ETV1: variants seen among roughly 807,000 people sequenced by gnomAD.
The protein encoded by ETV1 is ETS variant transcription factor 1, also known as ETS translocation variant 1.
In ETV1, 27 loss-of-function variants were observed where a neutral mutation model predicts 62.3. The observed-to-expected ratio is 0.43, with a 90% confidence interval of 0.32 to 0.60. The LOEUF (loss-of-function observed/expected upper bound fraction) is 0.60. Among genes scored for constraint, ETV1 ranks in the 20% least tolerant of loss-of-function variants. ETV1 has a pLI of 0.06. For missense variants in ETV1, 605 were observed against 605.8 expected (o/e 1.00, Z 0.01); for synonymous variants, 222 against 199.6 (o/e 1.11, Z -0.94).
At chr7:13,903,895 C>T (rs924176606) in intron 12 of ETV1, among the ~76,000 whole-genome samples, 3 of 152,022 alleles carry the variant, frequency 2.0e-5, no homozygotes, top group African/African-American at 7.2e-5. Context: ...TCTAAAGTTA[C>T]CCTAAACACA....
rs1782965596 is a variant in ETV1 at position 13,906,421 on chromosome 7, T to TA, written c.1110+8dup. Reference sequence around the variant, plus strand: ...TCTGAGTGTCCTAATTAAAATCTATTAAACTAACCTCTTCAGGCTCAATCA... The same window carrying TA: ...TCTGAGTGTCCTAATTAAAATCTATTAAAACTAACCTCTTCAGGCTCAATCA... On this transcript the variant is annotated intron_variant, in intron 12 of 13. Coordinates refer to ENST00000430479, the MANE Select transcript of ETV1 (RefSeq NM_004956.5). The TA allele has an allele frequency of 6.5e-7, 1 of 1,544,084 alleles. No homozygotes were observed. The highest frequency in any genetic ancestry group is 8.7e-7 in the Non-Finnish European group (1 of 1,147,648).
chr7:13,979,775 GGTGA>G (rs1261371525), intron 5 of ETV1, among the ~76,000 whole-genome samples: 2 of 152,042 alleles, frequency 1.3e-5, no homozygotes, highest in Non-Finnish European at 2.9e-5. Context: ...AAAAATAGCT[GGTGA>G]GTAACAAAAG....
intron 7 of ETV1, among the ~76,000 whole-genome samples, chr7:13,936,420 T>C (rs1181194862): frequency 2.0e-5 from 3 of 152,208 alleles, no homozygotes; most frequent in Non-Finnish European, 4.4e-5. Context: ...TTATATTAAA[T>C]AAATGATGCT....
In ETV1 at chr7:13,909,707, A is replaced by T. The variant is rs1363275981; in HGVS notation, c.872-7T>A. 6.2e-6 allele frequency: 10 copies of T among 1,605,350 alleles called. No homozygotes were observed. The highest frequency in any genetic ancestry group is 6.8e-6 in the Non-Finnish European group (8 of 1,172,306). ...CCCTTTTCAAACATACAGCCTGTGG[A>T]TGAAAAAGGAATACATTTATTCATG... On this transcript the variant is annotated splice_region_variant and splice_polypyrimidine_tract_variant and intron_variant, in intron 10 of 13. Transcript: ENST00000430479.
At chr7:13,991,241 G>C (rs913708712), upstream of ETV1, 1 of 152,318 alleles carries the variant, frequency 6.6e-6, no homozygotes, top group African/African-American at 2.4e-5. Flanking sequence ...GTGCAACCAA[G>C]CAGGGGGTCA....
At chr7:13,953,335 CA>C (rs1789044584) in intron 6 of ETV1, among the ~76,000 whole-genome samples, 1 of 152,150 alleles carries the variant, frequency 6.6e-6, no homozygotes, top group Non-Finnish European at 1.5e-5. Context: ...AATATTGAAA[CA>C]CCTCTTCTAC....
intron 6 of ETV1, among the ~76,000 whole-genome samples, chr7:13,971,691 A>T (rs1562700668): frequency 1.3e-5 from 2 of 152,248 alleles, no homozygotes; most frequent in African/African-American, 2.4e-5. Flanking sequence ...AGTCACTATC[A>T]TGTGAATCAC....
chr7:13,895,644 T>C lies in ETV1; in HGVS notation c.*222A>G. ...TCTGCCCATTCACCCATTAGCTTCCTGTTACACAGAATAAATGTTTAGATT... is the reference window on the plus strand; with the variant it reads ...TCTGCCCATTCACCCATTAGCTTCCCGTTACACAGAATAAATGTTTAGATT... On this transcript the variant is annotated 3_prime_UTR_variant, in exon 14 of 14. Transcript: ENST00000430479. 1 of 524,860 alleles carries C rather than the reference T, an allele frequency of 1.9e-6. No individual in the cohort carries two copies. The highest frequency in any genetic ancestry group is 3.4e-6 in the Non-Finnish European group (1 of 294,366). The allele number at this position is 524,860 out of a possible 1,614,324, so 32.5% of individuals were successfully genotyped here.
chr7:13,917,302 A>G (rs1212234568), intron 9 of ETV1, among the ~76,000 whole-genome samples: 1 of 150,144 alleles, frequency 6.7e-6, no homozygotes, highest in Non-Finnish European at 1.5e-5. Flanking sequence ...TTATTTATTT[A>G]TTTATTTATT....
chr7:13,967,580 T>A (rs1424723421), intron 6 of ETV1, among the ~76,000 whole-genome samples: 1 of 152,094 alleles, frequency 6.6e-6, no homozygotes, highest in Non-Finnish European at 1.5e-5. Context: ...CAATAGCATC[T>A]AACCAAAATT....
At chr7:13,981,254 G>A (rs1388305761) in intron 5 of ETV1, among the ~76,000 whole-genome samples, 2 of 152,130 alleles carry the variant, frequency 1.3e-5, no homozygotes, top group South Asian at 2.1e-4. Context: ...GCCCGTGAAT[G>A]AGACAGCTGA....
intron 6 of ETV1, among the ~76,000 whole-genome samples, chr7:13,963,869 A>C (rs919813173): frequency 6.6e-6 from 1 of 152,208 alleles, no homozygotes; most frequent in African/African-American, 2.4e-5. Flanking sequence ...AAATGGGATG[A>C]CTGACGTTTA....
intron 6 of ETV1, among the ~76,000 whole-genome samples, chr7:13,954,609 G>C (rs1262082254): frequency 1.3e-5 from 2 of 152,092 alleles, no homozygotes; most frequent in African/African-American, 2.4e-5. Context: ...CCTCACTTTT[G>C]ATACATCATT....
At chr7:13,897,156 G>T (rs900171357) in intron 13 of ETV1, among the ~76,000 whole-genome samples, 2 of 151,918 alleles carry the variant, frequency 1.3e-5, no homozygotes, top group African/African-American at 2.4e-5. Flanking sequence ...CGGGGTGGGG[G>T]GATGGGTGGA....
At chr7:13,988,965 G>T in intron 3 of ETV1, 43 bp downstream of exon 3, 1 of 1,407,602 alleles carries the variant, frequency 7.1e-7, no homozygotes, top group Non-Finnish European at 9.8e-7. Context: ...CACCCCCGAC[G>T]GAGTCAAGTT....
intron 9 of ETV1, among the ~76,000 whole-genome samples, chr7:13,921,637 C>T (rs534142733): frequency 1.8e-4 from 27 of 152,206 alleles, no homozygotes; most frequent in South Asian, 8.3e-4. Flanking sequence ...TGGTTTTAAA[C>T]CTGGGAAGGA....
intron 5 of ETV1, among the ~76,000 whole-genome samples, chr7:13,983,577 A>C (rs1311624419): frequency 6.6e-6 from 1 of 151,370 alleles, no homozygotes; most frequent in Non-Finnish European, 1.5e-5. Context: ...AAATTATAAC[A>C]TAAAGTGACT....
Position 13,942,410 on chromosome 7 carries a change from T to C in ETV1, c.236-3164A>G, listed in dbSNP as rs116371953. On this transcript the variant is annotated intron_variant, in intron 6 of 13. Transcript: ENST00000430479. ...TGTATTTCCAAGTTTTGTTTTGTTT[T>C]TTAACTTTCACTTTAGGTTCAGGGA... 9.0e-3 allele frequency among the ~76,000 whole-genome samples: 1,371 copies of C among 152,280 alleles called. 17 individuals are homozygous for C. Among genetic ancestry groups the C allele is most frequent in the African/African-American group, 0.031 (1,283 of 41,540 alleles).
intron 6 of ETV1, among the ~76,000 whole-genome samples, chr7:13,941,668 G>A (rs1787520387): frequency 6.6e-6 from 1 of 151,936 alleles, no homozygotes; most frequent in Non-Finnish European, 1.5e-5. Context: ...TCCAAGAGTT[G>A]GAGACCAGCC....
Sources: allele counts gnomAD v4.1 joint callset (sites outside exome capture counted in the v4.1 genomes callset), GRCh38; gene constraint gnomAD v4.1.1; transcripts MANE v1.5; gene names NCBI Gene and HGNC (gene_info 2026-07-23, HGNC 2026-07-21).